The following PHF24 variants were observed in gnomAD, a reference collection of about 807,000 sequenced individuals.
PHF24 encodes PHD finger protein 24.
Under a neutral mutation model 42.6 loss-of-function variants are expected in PHF24, and 25 were observed. That is an observed-to-expected ratio of 0.59 (90% confidence interval 0.43 to 0.82). The LOEUF (loss-of-function observed/expected upper bound fraction) is 0.82. Among genes scored for constraint, PHF24 ranks in the 40% least tolerant of loss-of-function variants. The pLI is 0.00. For synonymous variants in PHF24, 185 were observed against 204.8 expected (o/e 0.90, Z 0.83); for missense variants, 470 against 538.1 (o/e 0.87, Z 1.25).
the PHF24 span, chr9:34,833,184 G>T: frequency 1.3e-6 from 2 of 1,533,176 alleles, no homozygotes; most frequent in African/African-American, 2.8e-5. Flanking sequence ...ATGGGGACAT[G>T]GGCTGGGTCC....
the PHF24 span, among the ~76,000 whole-genome samples, chr9:34,704,236 G>T: frequency 6.8e-6 from 1 of 147,948 alleles, no homozygotes. Context: ...TTGCTTCGTT[G>T]CCCAGGCTGG....
the PHF24 span, among the ~76,000 whole-genome samples, chr9:34,827,633 A>G: frequency 6.6e-6 from 1 of 152,164 alleles, no homozygotes; most frequent in South Asian, 2.1e-4. Context: ...AAAACATGTC[A>G]TAAAGAAGTC....
the PHF24 span, chr9:34,918,424 T>C: frequency 3.2e-6 from 1 of 316,466 alleles, no homozygotes; most frequent in African/African-American, 3.4e-5. Context: ...AAAAAAAAAA[T>C]CATGGGGAAT....
the PHF24 span, among the ~76,000 whole-genome samples, chr9:34,755,571 ATTG>A: frequency 2.6e-5 from 4 of 151,442 alleles, no homozygotes; most frequent in South Asian, 2.1e-4. Context: ...TTTTAATTGG[ATTG>A]TTGTTGTTTG....
the PHF24 span, among the ~76,000 whole-genome samples, chr9:34,910,971 C>G: frequency 6.6e-6 from 1 of 152,078 alleles, no homozygotes; most frequent in Non-Finnish European, 1.5e-5. Context: ...TATAGACACA[C>G]ATCATCACAC....
At chr9:34,909,483 A>G in the PHF24 span, among the ~76,000 whole-genome samples, 1 of 151,266 alleles carries the variant, frequency 6.6e-6, no homozygotes, top group East Asian at 1.9e-4. Context: ...GTTTCTCACT[A>G]TCACATTATC....
chr9:34,977,862 T>C (rs1226880337), intron 7 of PHF24, among the ~76,000 whole-genome samples, 153 bp from the exon 8 acceptor site: 1 of 152,128 alleles, frequency 6.6e-6, no homozygotes, highest in Non-Finnish European at 1.5e-5. Context: ...TGAGCCAAGC[T>C]TCCCTGAGTT....
the PHF24 span, among the ~76,000 whole-genome samples, chr9:34,880,501 G>A: frequency 6.6e-6 from 1 of 152,076 alleles, no homozygotes; most frequent in Non-Finnish European, 1.5e-5. Flanking sequence ...AAAATAAAGG[G>A]ATGAAGGAAG....
the PHF24 span, among the ~76,000 whole-genome samples, chr9:34,884,562 A>G: frequency 6.6e-6 from 1 of 152,186 alleles, no homozygotes; most frequent in African/African-American, 2.4e-5. Context: ...GATGAGACTC[A>G]GAGCATGTGG....
chr9:34,789,471 A>G, the PHF24 span, among the ~76,000 whole-genome samples: 1 of 152,288 alleles, frequency 6.6e-6, no homozygotes, highest in Non-Finnish European at 1.5e-5. Context: ...AACATAAGCA[A>G]TAGAGGGAGG....
At chr9:34,779,244 A>G in the PHF24 span, among the ~76,000 whole-genome samples, 1 of 152,136 alleles carries the variant, frequency 6.6e-6, no homozygotes, top group East Asian at 1.9e-4. Context: ...AATAAAGATT[A>G]GAGCAGCAAG....
the PHF24 span, among the ~76,000 whole-genome samples, chr9:34,848,622 T>G: frequency 5.3e-5 from 8 of 151,802 alleles, 1 homozygote; most frequent in Admixed American, 5.2e-4. Context: ...CTGATTTTAG[T>G]TATTTCTTGC....
At chr9:34,905,572 C>T in the PHF24 span, among the ~76,000 whole-genome samples, 1 of 152,038 alleles carries the variant, frequency 6.6e-6, no homozygotes, top group Admixed American at 6.6e-5. Context: ...ATATAAATCT[C>T]CTGTAAAGGG....
At chr9:34,950,312 C>T in the PHF24 span, among the ~76,000 whole-genome samples, 1 of 143,980 alleles carries the variant, frequency 6.9e-6, no homozygotes, top group African/African-American at 2.6e-5. Flanking sequence ...TGTGCCACTG[C>T]ACTCCCTCCA....
At chr9:34,926,697 G>A in the PHF24 span, among the ~76,000 whole-genome samples, 1 of 152,096 alleles carries the variant, frequency 6.6e-6, no homozygotes, top group Admixed American at 6.5e-5. This position sits in a 1 kb window ranked among gnomAD's most constrained non-coding sequence, Gnocchi z 4.3. Context: ...GGCAGGCACA[G>A]GGTTGTTGCT....
the PHF24 span, chr9:34,917,169 T>TCCACCATGACCACCTC: frequency 1.5e-6 from 2 of 1,375,240 alleles, no homozygotes; most frequent in South Asian, 1.2e-5. Flanking sequence ...CAGAACACCT[T>TCCACCATGACCACCTC]CCACCATGAC....
At chr9:34,894,974 G>GCTCT in the PHF24 span, 1 of 398,232 alleles carries the variant, frequency 2.5e-6, no homozygotes, top group African/African-American at 2.1e-5. Flanking sequence ...GGGTCATAGA[G>GCTCT]GGTCAGGATC....
the PHF24 span, chr9:34,837,825 G>A: frequency 3.0e-6 from 2 of 667,380 alleles, no homozygotes; most frequent in Admixed American, 2.7e-5. Context: ...ACGCTTTCCT[G>A]GATTTTCTTT....
chr9:34,712,267 G>A, the PHF24 span, among the ~76,000 whole-genome samples: 5 of 152,124 alleles, frequency 3.3e-5, no homozygotes, highest in African/African-American at 1.2e-4. Flanking sequence ...ACTATAATTT[G>A]TCTTGGTGTG....
Sources: allele counts gnomAD v4.1 joint callset (sites outside exome capture counted in the v4.1 genomes callset), GRCh38; gene constraint gnomAD v4.1.1; non-coding constraint Gnocchi (gnomAD v3.1); transcripts MANE v1.5; gene names NCBI Gene and HGNC (gene_info 2026-07-23, HGNC 2026-07-21).